The following TXNDC16 variants were observed in gnomAD, a reference collection of about 807,000 sequenced individuals.
The protein encoded by TXNDC16 is thioredoxin domain containing 16.
Under a neutral mutation model 85.6 loss-of-function variants are expected in TXNDC16, and 74 were observed. The observed-to-expected ratio is 0.86, with a 90% confidence interval of 0.72 to 1.05. TXNDC16 has a LOEUF of 1.05. Among genes scored for constraint, TXNDC16 ranks in the 50% least tolerant of loss-of-function variants. TXNDC16 has a pLI of 0.00. For missense variants in TXNDC16, 959 were observed against 947.0 expected, an observed-to-expected ratio of 1.01 and a Z score of -0.17; for synonymous variants, 335 against 326.5, an observed-to-expected ratio of 1.03 and a Z score of -0.28.
At chr14:52,519,353 C>G in intron 6 of TXNDC16, 60 bp from the exon 7 acceptor site, 1 of 1,331,984 alleles carries the variant, frequency 7.5e-7, no homozygotes, top group Admixed American at 2.1e-5. Flanking sequence ...TTACACCACA[C>G]TTCTGTTAAA....
chr14:52,469,109 G>A (rs1022338066), intron 16 of TXNDC16, among the ~76,000 whole-genome samples: 3 of 152,002 alleles, frequency 2.0e-5, no homozygotes, highest in Non-Finnish European at 2.9e-5. Context: ...CACTTCGGCA[G>A]GCCAAGATGG....
intron 9 of TXNDC16, among the ~76,000 whole-genome samples, chr14:52,500,605 G>A (rs781614572): frequency 6.6e-6 from 1 of 152,134 alleles, no homozygotes; most frequent in Non-Finnish European, 1.5e-5. Context: ...ATCTTACACG[G>A]TTTTTACAAC....
intron 1 of TXNDC16, among the ~76,000 whole-genome samples, chr14:52,548,422 C>A (rs1227183463): frequency 6.6e-6 from 1 of 152,140 alleles, no homozygotes; most frequent in Non-Finnish European, 1.5e-5. Context: ...TAGATAATCA[C>A]AAGAAACACT....
chr14:52,530,458 A>T (rs868025039), intron 6 of TXNDC16, among the ~76,000 whole-genome samples: 102 of 2,070 alleles, frequency 0.049, 7 homozygotes, highest in African/African-American at 0.16. Context: ...TTATATAATA[A>T]TATATATTAT....
Position 52,442,358 on chromosome 14 carries a change from G to C in TXNDC16, c.1843-1634C>G, listed in dbSNP as rs555715822. On this transcript the variant is annotated intron_variant, in intron 18 of 20. Transcript: ENST00000281741. Reference sequence around the variant, plus strand: ...GAGACTAACTTGCTTAAGTCACCACGGCTAAGCAGGGGGAAGGAGTGATGG... The same window carrying C: ...GAGACTAACTTGCTTAAGTCACCACCGCTAAGCAGGGGGAAGGAGTGATGG... Among the ~76,000 whole-genome samples the C allele has an allele frequency of 1.1e-3, 169 of 152,178 alleles. 1 individual carries two copies. The highest frequency in any genetic ancestry group is 3.9e-3 in the African/African-American group (164 of 41,534).
intron 11 of TXNDC16, among the ~76,000 whole-genome samples, chr14:52,488,724 C>T (rs2036330204): frequency 6.7e-6 from 1 of 149,250 alleles, no homozygotes; most frequent in Admixed American, 6.8e-5. Flanking sequence ...ATCCCAGCTA[C>T]TTGGGAGGCT....
chr14:52,466,360 T>A, intron 16 of TXNDC16, among the ~76,000 whole-genome samples: 2 of 109,972 alleles, frequency 1.8e-5, no homozygotes, highest in African/African-American at 3.7e-5. Flanking sequence ...ACCACTGCAC[T>A]CCAACCCGGA....
At chr14:52,480,986 T>C (rs893561986) in intron 14 of TXNDC16, among the ~76,000 whole-genome samples, 1 of 146,928 alleles carries the variant, frequency 6.8e-6, no homozygotes, top group Non-Finnish European at 1.5e-5. Flanking sequence ...TATATATATA[T>C]ATATATATAT....
Position 52,537,685 on chromosome 14 carries a change from A to G in TXNDC16, c.244-13T>C. On this transcript the variant is annotated splice_polypyrimidine_tract_variant and intron_variant, in intron 4 of 20. Coordinates refer to ENST00000281741, the MANE Select transcript of TXNDC16 (RefSeq NM_020784.3). ...TGACACAATTAACCTTTAAAAGAGT[A>G]TACTTAAGTTTTAGCATATATATCA... 6.6e-7 allele frequency: 1 copy of G among 1,505,668 alleles called. No homozygotes were observed. Among genetic ancestry groups the G allele is most frequent in the South Asian group, 1.1e-5 (1 of 88,442 alleles). The allele number at this position is 1,505,668 out of a possible 1,614,324, so 93.3% of individuals were successfully genotyped here.
In TXNDC16 at chr14:52,432,341, C is replaced by T. The variant is rs764916349; in HGVS notation, c.2441G>A (p.Arg814Lys). ...NWFKEAEKSF[R>K]RDKELGCSKV... ...TGAGCATCCTAACTCTTTATCACGT[C>T]TAAATGATTTTTCTGCTTCTTTAAA... Residue 814 changes from arginine to lysine, a missense_variant, in exon 21 of 21, where the codon AGA becomes AAA. Transcript: ENST00000281741. 32 of 1,613,402 alleles carry T rather than the reference C, an allele frequency of 2.0e-5. No individual in the cohort carries two copies. Among genetic ancestry groups the T allele is most frequent in the Non-Finnish European group, 2.5e-5 (30 of 1,179,816 alleles).
chr14:52,459,861 C>T (rs367695360), intron 16 of TXNDC16, among the ~76,000 whole-genome samples: 1 of 152,074 alleles, frequency 6.6e-6, no homozygotes, highest in Non-Finnish European at 1.5e-5. Context: ...CAATAAAATA[C>T]CCCTTCATGT....
At chr14:52,478,239 AC>A (rs1409423420) in intron 14 of TXNDC16, among the ~76,000 whole-genome samples, 1 of 152,172 alleles carries the variant, frequency 6.6e-6, no homozygotes, top group African/African-American at 2.4e-5. Context: ...AAGAGCACAA[AC>A]AGACAATCTA....
intron 19 of TXNDC16, 77 bp from the exon 20 acceptor site, chr14:52,439,471 T>G: frequency 7.5e-7 from 1 of 1,329,930 alleles, no homozygotes; most frequent in Non-Finnish European, 1.0e-6. Context: ...CGTAGAACAT[T>G]AAACTTTTAA....
intron 14 of TXNDC16, among the ~76,000 whole-genome samples, chr14:52,474,403 GCAT>G (rs781016676): frequency 1.3e-5 from 2 of 152,180 alleles, no homozygotes; most frequent in Non-Finnish European, 2.9e-5. Flanking sequence ...AACTTGCCTT[GCAT>G]AAAGGAAAAT....
chr14:52,453,533 G>A (rs919866239), intron 18 of TXNDC16, among the ~76,000 whole-genome samples: 3 of 152,140 alleles, frequency 2.0e-5, no homozygotes, highest in Admixed American at 2.0e-4. Flanking sequence ...TTAACAACAT[G>A]AATGGAACTG....
At position 52,470,622 on chromosome 14, in the gene TXNDC16, A is replaced by C. The variant is rs143266054; in HGVS notation, c.1371T>G (p.Thr457=). The change falls in exon 15 of 21, where the codon ACT becomes ACG. Residue 457 remains threonine, a synonymous_variant. Coordinates refer to ENST00000281741, the MANE Select transcript of TXNDC16 (RefSeq NM_020784.3). Reference sequence around the variant, plus strand: ...TAGGAAATTCAGTAACATTTTGCTTAGTACATACATCAGACCAATCTGCAC... The same window carrying C: ...TAGGAAATTCAGTAACATTTTGCTTCGTACATACATCAGACCAATCTGCAC... ...INCADWSDVC[T]KQNVTEFPII... is the part of the protein sequence containing the mutation. The C allele has an allele frequency of 2.9e-5, 47 of 1,613,898 alleles. No homozygotes were observed. The highest frequency in any genetic ancestry group is 3.8e-5 in the Non-Finnish European group (45 of 1,179,956).
chr14:52,550,634 T>C (rs1201668265), intron 1 of TXNDC16, among the ~76,000 whole-genome samples: 2 of 152,108 alleles, frequency 1.3e-5, no homozygotes, highest in African/African-American at 2.4e-5. Context: ...ACTATCCAGA[T>C]GTTTACTATC....
At chr14:52,530,171 A>G (rs1441861849) in intron 6 of TXNDC16, among the ~76,000 whole-genome samples, 3 of 85,918 alleles carry the variant, frequency 3.5e-5, no homozygotes, top group African/African-American at 1.4e-4. Flanking sequence ...TATATATTAT[A>G]TTATATATAA....
intron 9 of TXNDC16, among the ~76,000 whole-genome samples, chr14:52,494,893 C>G (rs1225728426): frequency 6.6e-6 from 1 of 152,096 alleles, no homozygotes; most frequent in Non-Finnish European, 1.5e-5. Flanking sequence ...GAAAAAGAAC[C>G]AGTGGTGGTG....
Sources: allele counts gnomAD v4.1 joint callset (sites outside exome capture counted in the v4.1 genomes callset), GRCh38; gene constraint gnomAD v4.1.1; transcripts MANE v1.5; gene names NCBI Gene and HGNC (gene_info 2026-07-23, HGNC 2026-07-21).